ITGB8: variants seen among roughly 807,000 people sequenced by gnomAD.
ITGB8 encodes integrin subunit beta 8.
Under a neutral mutation model 89.5 loss-of-function variants are expected in ITGB8, and 30 were observed. The observed-to-expected ratio is 0.34, with a 90% CI of 0.25 to 0.45. The LOEUF is 0.45. ITGB8 is among the 20% of genes least tolerant of loss of function. The probability of loss-of-function intolerance (pLI) is 1.00; values close to 1 mark genes in which losing one functional copy is unlikely to be tolerated. For synonymous variants in ITGB8, 335 were observed against 320.4 expected (o/e 1.05, Z -0.49); for missense variants, 836 against 933.3 (o/e 0.90, Z 1.36).
chr7:20,388,834 T>TG (rs1484817667), intron 6 of ITGB8, among the ~76,000 whole-genome samples: 3 of 152,154 alleles, frequency 2.0e-5, no homozygotes, highest in Non-Finnish European at 4.4e-5. Context: ...CCCCTCCCTG[T>TG]GTCCATGTGT....
Position 20,331,630 on chromosome 7 carries a change from C to A in ITGB8, c.-177C>A. 1.6e-6 allele frequency: 1 copy of A among 635,750 alleles called. No individual in the cohort carries two copies. Among genetic ancestry groups the A allele is most frequent in the Non-Finnish European group, 2.4e-6 (1 of 417,014 alleles). The allele number at this position is 635,750 out of a possible 1,614,324, so 39.4% of individuals were successfully genotyped here. Reference sequence around the variant, plus strand: ...GCCGCAGGGGCCCTGAGATGCCGAGCGGTGCCCGGGCCCGCTTACCTGCAC... The same window carrying A: ...GCCGCAGGGGCCCTGAGATGCCGAGAGGTGCCCGGGCCCGCTTACCTGCAC... On this transcript the variant is annotated 5_prime_UTR_variant, in exon 1 of 14. Transcript: ENST00000222573.
chr7:20,362,218 G>A (rs1438131605), intron 1 of ITGB8, among the ~76,000 whole-genome samples: 1 of 152,106 alleles, frequency 6.6e-6, no homozygotes, highest in African/African-American at 2.4e-5. Context: ...TTTCCAGAAT[G>A]TTGGGGAAAG....
intron 1 of ITGB8, among the ~76,000 whole-genome samples, chr7:20,351,198 GTCA>G (rs1158426231): frequency 6.6e-6 from 1 of 152,196 alleles, no homozygotes; most frequent in Non-Finnish European, 1.5e-5. Flanking sequence ...TTATTGCTGA[GTCA>G]TCATTTAAGA....
chr7:20,404,892 C>T (rs1177185900), intron 11 of ITGB8, 39 bp downstream of exon 11: 4 of 1,567,714 alleles, frequency 2.6e-6, no homozygotes, highest in Non-Finnish European at 3.5e-6. Flanking sequence ...CAAAGAATAG[C>T]TACTTTTGTC....
chr7:20,331,318 C>A lies in ITGB8; in HGVS notation c.-489C>A, dbSNP rs920182805. ...CAGACTTTTTTCCCCTCGACCTCGC[C>A]GGCGTCCCCTCCCACAGATCCAGCA... On this transcript the variant is annotated 5_prime_UTR_variant, in exon 1 of 14. Coordinates refer to ENST00000222573, the MANE Select transcript of ITGB8 (RefSeq NM_002214.3). The A allele has an allele frequency of 7.8e-6, 3 of 383,574 alleles. No individual in the cohort carries two copies. Among genetic ancestry groups the A allele is most frequent in the Non-Finnish European group, 1.4e-5 (3 of 217,104 alleles). 23.8% of individuals were successfully genotyped at this position (383,574 alleles called of 1,614,324 possible).
At position 20,331,337 on chromosome 7, in the gene ITGB8, T is replaced by A. The variant is rs1295336395; in HGVS notation, c.-470T>A. 5.1e-6 allele frequency: 2 copies of A among 390,080 alleles called. No individual in the cohort carries two copies. Among genetic ancestry groups the A allele is most frequent in the East Asian group, 3.6e-5 (1 of 27,456 alleles). 24.2% of individuals were successfully genotyped at this position (390,080 alleles called of 1,614,324 possible). Reference sequence around the variant, plus strand: ...CCTCGCCGGCGTCCCCTCCCACAGATCCAGCATCACCCAGTGAATGTACAT... The same window carrying A: ...CCTCGCCGGCGTCCCCTCCCACAGAACCAGCATCACCCAGTGAATGTACAT... On this transcript the variant is annotated 5_prime_UTR_variant, in exon 1 of 14. Transcript: ENST00000222573.
chr7:20,340,246 A>G (rs17455540), intron 1 of ITGB8, among the ~76,000 whole-genome samples: 35,112 of 152,056 alleles, frequency 0.23, 5,063 homozygotes, highest in Non-Finnish European at 0.32. Flanking sequence ...ATTCCAGATA[A>G]ATATTGGTAT....
intron 3 of ITGB8, among the ~76,000 whole-genome samples, chr7:20,375,880 A>C (rs911951698): frequency 3.3e-5 from 5 of 152,210 alleles, no homozygotes; most frequent in African/African-American, 1.2e-4. Flanking sequence ...GATAGTGGTA[A>C]AGTATTAATA....
Position 20,362,332 on chromosome 7 carries a change from TTGGGCACATACACACATGTGCATGAG to T in ITGB8, c.128-1302_128-1277del, listed in dbSNP as rs1785535501. Among the ~76,000 whole-genome samples the T allele has an allele frequency of 3.9e-5, 6 of 152,344 alleles. No homozygotes were observed. In the South Asian group the frequency reaches 1.2e-3, roughly 32 times the overall value. On this transcript the variant is annotated intron_variant, in intron 1 of 13. Coordinates refer to ENST00000222573, the MANE Select transcript of ITGB8 (RefSeq NM_002214.3). ...TTACCATGTCCATGTCCATGTGTGA[TTGGGCACATACACACATGTGCATGAG>T]TGTGCACATGCACACAGTTTTCTTT...
In ITGB8 at chr7:20,398,847, A is replaced by G; in HGVS notation, c.1147-13A>G. Reference sequence around the variant, plus strand: ...CTACTCTCGTATGTAATTTAAAAATAATGTCTCTGCAGAAGCTCATTTCAG... The same window carrying G: ...CTACTCTCGTATGTAATTTAAAAATGATGTCTCTGCAGAAGCTCATTTCAG... On this transcript the variant is annotated splice_polypyrimidine_tract_variant and intron_variant, in intron 8 of 13. Coordinates refer to ENST00000222573, the MANE Select transcript of ITGB8 (RefSeq NM_002214.3). 6.5e-7 allele frequency: 1 copy of G among 1,528,580 alleles called. No individual in the cohort carries two copies. Among genetic ancestry groups the G allele is most frequent in the African/African-American group, 1.4e-5 (1 of 71,244 alleles). 94.7% of individuals were successfully genotyped at this position (1,528,580 alleles called of 1,614,324 possible).
chr7:20,331,991 C>G, intron 1 of ITGB8, 58 bp downstream of exon 1: 1 of 1,578,566 alleles, frequency 6.3e-7, no homozygotes, highest in African/African-American at 1.3e-5. Flanking sequence ...TGGGCTGGCA[C>G]GAAGAGCTGC....
chr7:20,385,355 T>C, intron 6 of ITGB8, among the ~76,000 whole-genome samples: 1 of 152,244 alleles, frequency 6.6e-6, no homozygotes, highest in Non-Finnish European at 1.5e-5. Flanking sequence ...TACCATATAT[T>C]CACTAGTATT....
chr7:20,346,196 A>T (rs1490332098), intron 1 of ITGB8, among the ~76,000 whole-genome samples: 7 of 152,132 alleles, frequency 4.6e-5, no homozygotes, highest in African/African-American at 1.7e-4. Context: ...TCTGGGAGAA[A>T]CATCAGCGAT....
At chr7:20,375,016 G>T (rs1004959814) in intron 3 of ITGB8, among the ~76,000 whole-genome samples, 1 of 152,150 alleles carries the variant, frequency 6.6e-6, no homozygotes, top group African/African-American at 2.4e-5. Flanking sequence ...GTATATCCCA[G>T]TATTCTGGCA....
chr7:20,329,884 A>T (rs1784317301), upstream of ITGB8: 1 of 152,166 alleles, frequency 6.6e-6, no homozygotes, highest in South Asian at 2.1e-4. Flanking sequence ...TGGTAATGAC[A>T]GGACCCGAGG....
rs1787867251 is a variant in ITGB8, at chr7:20,414,469, T to G, written c.*4472T>G. On this transcript the variant is annotated 3_prime_UTR_variant, in exon 14 of 14. Coordinates refer to ENST00000222573, the MANE Select transcript of ITGB8 (RefSeq NM_002214.3). The stretch of plus-strand genomic sequence containing the variant: ...TATTCTATTATATGAGATCCTTTTA[T>G]ATTATCATCTCACTTTTAAACAAAA... 1 of 152,586 alleles carries G rather than the reference T, an allele frequency of 6.6e-6. No homozygotes were observed. The highest frequency in any genetic ancestry group is 6.5e-5 in the Admixed American group (1 of 15,270). 9.5% of individuals were successfully genotyped at this position (152,586 alleles called of 1,614,324 possible).
At chr7:20,406,551 A>G (rs993463386) in intron 12 of ITGB8, among the ~76,000 whole-genome samples, 1 of 17,190 alleles carries the variant, frequency 5.8e-5, no homozygotes, top group African/African-American at 6.2e-4. Context: ...ACCCCATTTA[A>G]AAAAAAAAAA....
At chr7:20,408,448 A>T (rs1787635378) in intron 12 of ITGB8, among the ~76,000 whole-genome samples, 1 of 151,546 alleles carries the variant, frequency 6.6e-6, no homozygotes, top group South Asian at 2.1e-4. Context: ...CTTATCACTG[A>T]GCTTGGCCTT....
chr7:20,399,042 G>T, intron 9 of ITGB8, 48 bp downstream of exon 9: 1 of 1,573,464 alleles, frequency 6.4e-7, no homozygotes. Flanking sequence ...AAGTTGTTTG[G>T]CGTACTTTCT....
Sources: gnomAD v4.1 joint callset for allele counts (sites outside exome capture counted in the v4.1 genomes callset) on GRCh38, gnomAD v4.1.1 for gene constraint, MANE v1.5 for transcripts, NCBI Gene and HGNC (gene_info 2026-07-23, HGNC 2026-07-21) for gene names.